The following USP15 variants were observed in gnomAD, a reference collection of about 807,000 sequenced individuals.
USP15 encodes the protein ubiquitin carboxyl-terminal hydrolase 15.
Under a neutral mutation model 127.1 loss-of-function variants are expected in USP15, and 18 were observed. The observed-to-expected ratio is 0.14, with a 90% CI of 0.10 to 0.21. The LOEUF is 0.21. USP15 is among the 10% of genes least tolerant of loss of function. The probability of loss-of-function intolerance (pLI) is 1.00; values close to 1 mark genes in which losing one functional copy is unlikely to be tolerated. For synonymous variants in USP15, 364 were observed against 393.7 expected (o/e 0.92, Z 0.89); for missense variants, 805 against 1,159.9 (o/e 0.69, Z 4.44).
At chr12:62,295,766 T>C (rs948581572) in intron 2 of USP15, among the ~76,000 whole-genome samples, 7 of 152,200 alleles carry the variant, frequency 4.6e-5, no homozygotes, top group African/African-American at 1.7e-4. Flanking sequence ...AAACTCACTT[T>C]AAATGCAAGA....
chr12:62,389,941 A>G lies in USP15; in HGVS notation c.1797A>G (p.Arg599=). Residue 599 remains arginine (R), a synonymous_variant, in exon 14 of 22, where the codon CGA becomes CGG. Coordinates refer to ENST00000280377, the MANE Select transcript of USP15 (RefSeq NM_001252078.2). ...AGCCCTTTCTTATGGCTGTACCACG[A>G]AACAATACTGAAGACAAACTTTATA... ...FGQPFLMAVP[R]NNTEDKLYNL... The G allele has an allele frequency of 6.2e-7, 1 of 1,613,396 alleles. No individual in the cohort carries two copies. Among genetic ancestry groups the G allele is most frequent in the Non-Finnish European group, 8.5e-7 (1 of 1,179,624 alleles).
At chr12:62,320,468 G>A (rs1241120180) in intron 4 of USP15, among the ~76,000 whole-genome samples, 1 of 152,174 alleles carries the variant, frequency 6.6e-6, no homozygotes, top group African/African-American at 2.4e-5. Flanking sequence ...GTCTCAGGTA[G>A]TTCTCTATAG....
intron 19 of USP15, among the ~76,000 whole-genome samples, chr12:62,395,061 G>A (rs749267461): frequency 9.2e-5 from 14 of 152,128 alleles, no homozygotes; most frequent in Admixed American, 2.0e-4. Context: ...TGCCCATTTC[G>A]GGTATATAGG....
intron 3 of USP15, among the ~76,000 whole-genome samples, chr12:62,306,362 T>G (rs1373886142): frequency 6.6e-6 from 1 of 152,146 alleles, no homozygotes; most frequent in Non-Finnish European, 1.5e-5. Context: ...GAATAGAGGT[T>G]GTCAGAACTT....
In USP15 at chr12:62,355,399, G is replaced by C; in HGVS notation, c.839G>C (p.Gly280Ala). 3 of 1,611,362 alleles carry C rather than the reference G, an allele frequency of 1.9e-6. No homozygotes were observed. The highest frequency in any genetic ancestry group is 2.5e-6 in the Non-Finnish European group (3 of 1,178,342). The part of the protein sequence containing the change: ...AYKNYDYSEP[G>A]RNNEQPGLCG... ...AAGAACTATGATTATTCGGAACCTG[G>C]AAGAAACAATGAACAGCCAGGCCTC... Residue 280 changes from glycine to alanine, a missense_variant, in exon 8 of 22, where the codon GGA (glycine) becomes GCA (alanine). Physicochemically the swap from Gly to Ala is moderately conservative, Grantham distance 60 (BLOSUM62 0). This residue lies in a region of USP15 where 84 missense variants were observed against 107.7 expected (regional missense o/e 0.78). Coordinates refer to ENST00000280377, the MANE Select transcript of USP15 (RefSeq NM_001252078.2).
chr12:62,264,912 A>T (rs1447142995), intron 1 of USP15, among the ~76,000 whole-genome samples: 1 of 152,214 alleles, frequency 6.6e-6, no homozygotes, highest in Non-Finnish European at 1.5e-5. Flanking sequence ...CATCATTTAT[A>T]GGAAATGAAA....
chr12:62,323,643 GTAGACATAA>G (rs1270215634), intron 5 of USP15, among the ~76,000 whole-genome samples: 1 of 152,162 alleles, frequency 6.6e-6, no homozygotes, highest in African/African-American at 2.4e-5. Context: ...CTGTCTTCCA[GTAGACATAA>G]CCTCTCTCCT....
intron 6 of USP15, among the ~76,000 whole-genome samples, chr12:62,337,171 C>T (rs11174430): frequency 1.1e-3 from 171 of 152,262 alleles, no homozygotes; most frequent in African/African-American, 4.0e-3. Context: ...AATTCTTCAT[C>T]GAAAGCCCAA....
intron 6 of USP15, among the ~76,000 whole-genome samples, chr12:62,346,529 T>C (rs1310104841): frequency 6.6e-6 from 1 of 152,206 alleles, no homozygotes; most frequent in African/African-American, 2.4e-5. Flanking sequence ...TGGACTATAC[T>C]TTGAGAACTG....
At chr12:62,319,805 A>T (rs2064933451) in intron 4 of USP15, among the ~76,000 whole-genome samples, 1 of 152,244 alleles carries the variant, frequency 6.6e-6, no homozygotes, top group African/African-American at 2.4e-5. Context: ...AACAGTGGTT[A>T]TATCTAGGTA....
At chr12:62,298,726 G>T (rs968310176) in intron 2 of USP15, among the ~76,000 whole-genome samples, 1 of 151,332 alleles carries the variant, frequency 6.6e-6, no homozygotes, top group Non-Finnish European at 1.5e-5. Flanking sequence ...GTACTTGGGA[G>T]GCTGAGGTGA....
At chr12:62,329,077 T>C (rs926425132) in intron 6 of USP15, among the ~76,000 whole-genome samples, 4 of 152,196 alleles carry the variant, frequency 2.6e-5, no homozygotes, top group Non-Finnish European at 5.9e-5. Context: ...AATTCACTTA[T>C]ATTTAGTGAA....
At chr12:62,266,477 T>TAA (rs1370443236) in intron 1 of USP15, among the ~76,000 whole-genome samples, 3 of 152,314 alleles carry the variant, frequency 2.0e-5, no homozygotes, top group African/African-American at 7.2e-5. Flanking sequence ...ACATTTAAAT[T>TAA]AAGATAGTGG....
intron 1 of USP15, among the ~76,000 whole-genome samples, chr12:62,293,892 C>T (rs538837691): frequency 3.3e-5 from 5 of 151,948 alleles, no homozygotes; most frequent in Admixed American, 6.6e-5. Context: ...CAAATTCTTA[C>T]GGTTATTTCC....
At chr12:62,371,418 A>G (rs899645865) in intron 8 of USP15, among the ~76,000 whole-genome samples, 2 of 152,182 alleles carry the variant, frequency 1.3e-5, no homozygotes, top group African/African-American at 4.8e-5. Flanking sequence ...AGATAATCGT[A>G]AGCACAGTAG....
Position 62,410,151 on chromosome 12 carries a change from A to AT in USP15, c.*5777dup, listed in dbSNP as rs1309585577. On this transcript the variant is annotated 3_prime_UTR_variant, in exon 22 of 22. Coordinates refer to ENST00000280377, the MANE Select transcript of USP15 (RefSeq NM_001252078.2). ...ATCTTTCCATTATATCAAGTGGGCA[A>AT]TATTTAAATTGTCTGATAAGTTCAT... 9.2e-5 allele frequency: 14 copies of AT among 152,126 alleles called. No individual in the cohort carries two copies. The highest frequency in any genetic ancestry group is 3.4e-4 in the African/African-American group (14 of 41,434). The allele number at this position is 152,126 out of a possible 1,614,324, so 9.4% of individuals were successfully genotyped here. A position where few individuals can be genotyped will look rare whatever the true frequency, so the allele number is the denominator to read the frequency against.
chr12:62,263,291 A>G (rs1480574334), intron 1 of USP15, among the ~76,000 whole-genome samples: 1 of 152,184 alleles, frequency 6.6e-6, no homozygotes. Flanking sequence ...GGCTGTTGAG[A>G]AAAAATGGTG....
chr12:62,342,114 A>G (rs189029037), intron 6 of USP15, among the ~76,000 whole-genome samples: 29 of 152,086 alleles, frequency 1.9e-4, no homozygotes, highest in Non-Finnish European at 3.5e-4. Flanking sequence ...ATTCCTTTTC[A>G]TTCTTTTTTC....
At chr12:62,302,666 G>A (rs2064352065) in intron 2 of USP15, 124 bp from the exon 3 acceptor site, 2 of 1,020,472 alleles carry the variant, frequency 2.0e-6, no homozygotes, top group South Asian at 2.3e-5. Context: ...ATGTAAGGGA[G>A]CTGAATTGCT....
Sources: allele counts gnomAD v4.1 joint callset (sites outside exome capture counted in the v4.1 genomes callset), GRCh38; gene constraint gnomAD v4.1.1; regional missense constraint gnomAD v4.1.1; transcripts MANE v1.5; gene names NCBI Gene and HGNC (gene_info 2026-07-23, HGNC 2026-07-21).